The following RD3 variants were observed in gnomAD, a reference collection of about 807,000 sequenced individuals.
RD3 encodes the protein RD3 regulator of GUCY2D.
In RD3, 11 loss-of-function variants were observed where a neutral mutation model predicts 16.9. The observed-to-expected ratio is 0.65, with a 90% CI of 0.41 to 1.08. The LOEUF (loss-of-function observed/expected upper bound fraction) is 1.08. Among genes scored for constraint, RD3 ranks in the 50% least tolerant of loss-of-function variants. RD3 has a pLI of 0.00. For synonymous variants in RD3, 116 were observed against 114.8 expected (o/e 1.01, Z -0.07); for missense variants, 274 against 267.4 (o/e 1.02, Z -0.17).
At position 211,477,192 on chromosome 1, in the gene RD3, C is replaced by T. The variant is rs562397642; in HGVS notation, c.*1844G>A. The stretch of plus-strand genomic sequence containing the variant: ...AGTTTGGCAGCCAGGCACAGTGGCT[C>T]ATGTCTGTAATCCCAGCACTTTGGG... On this transcript the variant is annotated 3_prime_UTR_variant, in exon 3 of 3. Transcript: ENST00000680073. The T allele has an allele frequency of 1.3e-5, 2 of 152,436 alleles. No individual in the cohort carries two copies. Among genetic ancestry groups the T allele is most frequent in the African/African-American group, 4.8e-5 (2 of 41,548 alleles). 9.4% of individuals were successfully genotyped at this position (152,436 alleles called of 1,614,324 possible).
At position 211,486,677 on chromosome 1, in the gene RD3, C is replaced by T. The variant is rs566393118; in HGVS notation, c.-12+5091G>A. On this transcript the variant is annotated intron_variant, in intron 1 of 2. Coordinates refer to ENST00000680073, the MANE Select transcript of RD3 (RefSeq NM_001164688.2). ...CAGCCTGGCCAACATGGTGAAATCC[C>T]GTCTCTACTAATAATACAAAAATTA... Among the ~76,000 whole-genome samples the T allele has an allele frequency of 7.9e-5, 12 of 151,962 alleles. No individual in the cohort carries two copies. In the South Asian group the frequency reaches 1.9e-3, roughly 24 times the overall value.
intron 1 of RD3, among the ~76,000 whole-genome samples, chr1:211,489,877 C>A (rs1705452326): frequency 6.6e-6 from 1 of 152,136 alleles, no homozygotes; most frequent in Admixed American, 6.5e-5. Flanking sequence ...GATGGGGAAG[C>A]CCTCGCACGT....
At chr1:211,485,563 T>C (rs1187219302) in intron 1 of RD3, among the ~76,000 whole-genome samples, 1 of 152,156 alleles carries the variant, frequency 6.6e-6, no homozygotes, top group Non-Finnish European at 1.5e-5. Context: ...CCCCAGAACC[T>C]GAACCTCGGC....
At chr1:211,490,516 G>C (rs1705468102) in intron 1 of RD3, among the ~76,000 whole-genome samples, 3 of 152,222 alleles carry the variant, frequency 2.0e-5, no homozygotes, top group Non-Finnish European at 4.4e-5. Context: ...TCACTGCAGG[G>C]GCAGGCTGGC....
chr1:211,489,863 G>A (rs73069873), intron 1 of RD3, among the ~76,000 whole-genome samples: 172 of 152,190 alleles, frequency 1.1e-3, no homozygotes, highest in African/African-American at 4.0e-3. Flanking sequence ...AGAGCAGAGT[G>A]GATGATGGGG....
chr1:211,488,026 C>T (rs1194724617), intron 1 of RD3, among the ~76,000 whole-genome samples: 5 of 152,198 alleles, frequency 3.3e-5, no homozygotes, highest in African/African-American at 1.2e-4. Flanking sequence ...AAGTGCCTGC[C>T]CCTGTTCTCT....
chr1:211,480,913 G>GTTGCCTC (rs1553280907), intron 2 of RD3, among the ~76,000 whole-genome samples: 4 of 152,226 alleles, frequency 2.6e-5, no homozygotes, highest in Non-Finnish European at 5.9e-5. Context: ...GCCTCCAGGA[G>GTTGCCTC]CTGCCTCCTG....
chr1:211,484,461 A>G (rs1010511173), intron 1 of RD3, among the ~76,000 whole-genome samples: 2 of 152,286 alleles, frequency 1.3e-5, no homozygotes, highest in African/African-American at 4.8e-5. Flanking sequence ...AGAAGAGAGC[A>G]AGAGAGTGGC....
intron 1 of RD3, among the ~76,000 whole-genome samples, chr1:211,486,728 G>A (rs1296234038): frequency 3.3e-5 from 5 of 150,128 alleles, no homozygotes; most frequent in Admixed American, 6.7e-5. Context: ...CTGTAATCCC[G>A]GCTACTTGGG....
Position 211,479,304 on chromosome 1 carries a change from T to A in RD3, c.320A>T (p.Gln107Leu), listed in dbSNP as rs1187402642. 2 of 1,603,964 alleles carry A rather than the reference T, an allele frequency of 1.2e-6. No homozygotes were observed. Among genetic ancestry groups the A allele is most frequent in the East Asian group, 4.5e-5 (2 of 44,626 alleles). Residue 107 changes from glutamine (Q) to leucine (L), a missense_variant, in exon 3 of 3, where the codon CAG becomes CTG. Physicochemically the swap from Gln to Leu is moderately radical, Grantham distance 113. Transcript: ENST00000680073. ...ILRFRQLLAEQEPEVQEVSQL... is the reference protein window; with the variant it reads ...ILRFRQLLAELEPEVQEVSQL... ...GGACACCTCCTGCACCTCGGGCTCC[T>A]GCTCCGCCAGCAGCTGCCGGAACCT...
In RD3 at chr1:211,481,376, A is replaced by G. The variant is rs1470201186; in HGVS notation, c.40T>C (p.Ser14Pro). The G allele has an allele frequency of 6.2e-7, 1 of 1,613,620 alleles. No individual in the cohort carries two copies. Among genetic ancestry groups the G allele is most frequent in the Admixed American group, 1.7e-5 (1 of 60,026 alleles). Residue 14 changes from serine (S) to proline (P), a missense_variant, in exon 2 of 3, where the codon TCC (serine) becomes CCC (proline). Transcript: ENST00000680073. ...ISWLRWNEAPSRLSTRSPAEM... is the reference protein window; with the variant it reads ...ISWLRWNEAPPRLSTRSPAEM... ...GCAGGGCTCCTGGTGGACAGCCGGGATGGGGCCTCGTTCCACCGAAGCCAT... is the reference window on the plus strand; with the variant it reads ...GCAGGGCTCCTGGTGGACAGCCGGGGTGGGGCCTCGTTCCACCGAAGCCAT...
intron 1 of RD3, among the ~76,000 whole-genome samples, chr1:211,490,111 G>T (rs556190875): frequency 6.6e-6 from 1 of 152,142 alleles, no homozygotes; most frequent in African/African-American, 2.4e-5. Context: ...AAAAACTCTC[G>T]CGTTGTGCCT....
chr1:211,478,796 C>T lies in RD3; in HGVS notation c.*240G>A, dbSNP rs923807462. On this transcript the variant is annotated 3_prime_UTR_variant, in exon 3 of 3. Coordinates refer to ENST00000680073, the MANE Select transcript of RD3 (RefSeq NM_001164688.2). ...CCAGTTAGGGAAGGGGCTGCTCCTG[C>T]AGACTAGCGCAGGAGAGGGAGAGGG... The T allele has an allele frequency of 2.7e-5, 14 of 527,378 alleles. No individual in the cohort carries two copies. Among genetic ancestry groups the T allele is most frequent in the African/African-American group, 2.3e-4 (12 of 52,102 alleles). The allele number at this position is 527,378 out of a possible 1,614,324, so 32.7% of individuals were successfully genotyped here. A position where few individuals can be genotyped will look rare whatever the true frequency, so the allele number is the denominator to read the frequency against.
In RD3 at chr1:211,482,828, C is replaced by G. The variant is rs145328805; in HGVS notation, c.-11-1402G>C. ...GGGGTCTCACTTCATCTTTCTGCAC[C>G]TTTCTCCCTCCAAGCCGTTCCCCCT... On this transcript the variant is annotated intron_variant, in intron 1 of 2. Coordinates refer to ENST00000680073, the MANE Select transcript of RD3 (RefSeq NM_001164688.2). Among the ~76,000 whole-genome samples, 440 of 151,932 alleles carry G rather than the reference C, an allele frequency of 2.9e-3. 2 individuals are homozygous for G. The highest frequency in any genetic ancestry group is 4.6e-3 in the Non-Finnish European group (315 of 68,030).
chr1:211,486,855 A>G (rs1705384947), intron 1 of RD3, among the ~76,000 whole-genome samples: 1 of 152,254 alleles, frequency 6.6e-6, no homozygotes, highest in Non-Finnish European at 1.5e-5. Flanking sequence ...AAAAAAGAAA[A>G]GAAAAAAAGA....
At chr1:211,491,077 C>T (rs1282858342) in intron 1 of RD3, among the ~76,000 whole-genome samples, 1 of 152,178 alleles carries the variant, frequency 6.6e-6, no homozygotes, top group African/African-American at 2.4e-5. Flanking sequence ...CAGGAGAGGG[C>T]GTGTACACAG....
chr1:211,479,633 G>C (rs1387007956), intron 2 of RD3, among the ~76,000 whole-genome samples: 1 of 151,874 alleles, frequency 6.6e-6, no homozygotes, highest in Non-Finnish European at 1.5e-5. Context: ...ACTTACCTAA[G>C]GTTGTTGATG....
intron 2 of RD3, among the ~76,000 whole-genome samples, chr1:211,479,759 T>C (rs1705225920): frequency 6.6e-6 from 1 of 152,230 alleles, no homozygotes; most frequent in African/African-American, 2.4e-5. Context: ...ATTATGTCAC[T>C]GCCCCTGTGA....
At chr1:211,489,886 G>A (rs150183268) in intron 1 of RD3, among the ~76,000 whole-genome samples, 1 of 152,094 alleles carries the variant, frequency 6.6e-6, no homozygotes, top group Admixed American at 6.5e-5. Flanking sequence ...GCCCTCGCAC[G>A]TTCTGTCTCT....
Sources: gnomAD v4.1 joint callset for allele counts (sites outside exome capture counted in the v4.1 genomes callset) on GRCh38, gnomAD v4.1.1 for gene constraint, MANE v1.5 for transcripts, NCBI Gene and HGNC (gene_info 2026-07-23, HGNC 2026-07-21) for gene names.